The following TIAM2 variants were observed in gnomAD, a reference collection of about 807,000 sequenced individuals.
TIAM2 encodes the protein rho guanine nucleotide exchange factor TIAM2.
A neutral mutation model predicts 152.9 loss-of-function variants in TIAM2; 80 were observed. That is an observed-to-expected ratio of 0.52 (90% CI 0.44 to 0.63). TIAM2 has a LOEUF of 0.63. Ranked by LOEUF, TIAM2 falls within the 30% of genes least tolerant of loss-of-function variation. The pLI is 0.00. For synonymous variants in TIAM2, 804 were observed against 838.0 expected (o/e 0.96, Z 0.70); for missense variants, 1,965 against 2,120.1 (o/e 0.93, Z 1.44).
chr6:155,095,227 G>A (rs1462557188), intron 2 of TIAM2, among the ~76,000 whole-genome samples: 1 of 152,158 alleles, frequency 6.6e-6, no homozygotes, highest in Non-Finnish European at 1.5e-5. Context: ...TGATATAACC[G>A]AGGGAGTGGG....
At chr6:155,254,731 A>C in intron 26 of TIAM2, 158 bp downstream of exon 26, 1 of 929,468 alleles carries the variant, frequency 1.1e-6, no homozygotes, top group African/African-American at 1.7e-5. Flanking sequence ...TTGCTCCCAG[A>C]CGTTCTACTG....
rs1322520341 is a variant in TIAM2, at chr6:155,112,534, G to A, written c.-117-14956G>A. Among the ~76,000 whole-genome samples, 2 of 151,938 alleles carry A rather than the reference G, an allele frequency of 1.3e-5. 1 individual carries two copies. The highest frequency in any genetic ancestry group is 4.2e-4 in the South Asian group (2 of 4,818). On this transcript the variant is annotated intron_variant, in intron 2 of 26. Coordinates refer to ENST00000682666, the MANE Select transcript of TIAM2 (RefSeq NM_012454.4). ...TGTCAAGGTGCCCCAGGGCCTCCTT[G>A]GACCCCATGTCTTTCCTTTGTTTAC...
At chr6:155,236,380 C>T (rs1402528739) in intron 15 of TIAM2, among the ~76,000 whole-genome samples, 1 of 152,060 alleles carries the variant, frequency 6.6e-6, no homozygotes, top group East Asian at 1.9e-4. Context: ...ACACCCATGA[C>T]AGCCAGGCAT....
intron 2 of TIAM2, among the ~76,000 whole-genome samples, chr6:155,100,298 T>C (rs1319689755): frequency 6.6e-6 from 1 of 152,218 alleles, no homozygotes; most frequent in East Asian, 1.9e-4. Context: ...GGTGGCCAGC[T>C]GCCAGCACGG....
chr6:155,250,458 G>T, intron 21 of TIAM2: 1 of 1,195,520 alleles, frequency 8.4e-7, no homozygotes, highest in Middle Eastern at 2.2e-4. Context: ...ATAGTTTAGG[G>T]AGAAAATGGC....
At chr6:155,062,615 G>A (rs1325960602) in intron 1 of TIAM2, among the ~76,000 whole-genome samples, 2 of 124,680 alleles carry the variant, frequency 1.6e-5, no homozygotes, top group African/African-American at 6.1e-5. Context: ...TCTTGCTCTT[G>A]TTGCCCAGGC....
At chr6:155,217,766 T>C (rs748252243) in intron 15 of TIAM2, among the ~76,000 whole-genome samples, 5 of 152,256 alleles carry the variant, frequency 3.3e-5, no homozygotes, top group Non-Finnish European at 7.3e-5. Flanking sequence ...CAACTGTGTG[T>C]TGTGCTCTTT....
At chr6:155,189,133 G>C (rs1583238915) in intron 14 of TIAM2, among the ~76,000 whole-genome samples, 1 of 152,220 alleles carries the variant, frequency 6.6e-6, no homozygotes, top group South Asian at 2.1e-4. Flanking sequence ...CCAGGGAAAA[G>C]CATTATAGAG....
intron 1 of TIAM2, among the ~76,000 whole-genome samples, chr6:155,082,607 A>T (rs547796644): frequency 6.6e-6 from 1 of 151,332 alleles, no homozygotes; most frequent in East Asian, 2.0e-4. Flanking sequence ...CCAAGATTGT[A>T]CCATTGCACT....
chr6:155,099,891 C>T (rs1354169642), intron 2 of TIAM2, among the ~76,000 whole-genome samples: 1 of 152,216 alleles, frequency 6.6e-6, no homozygotes, highest in African/African-American at 2.4e-5. Flanking sequence ...GCCTATGCTC[C>T]TAGGCTGCAA....
chr6:155,128,088 G>C (rs922548802), intron 3 of TIAM2, among the ~76,000 whole-genome samples: 7 of 152,030 alleles, frequency 4.6e-5, no homozygotes, highest in Non-Finnish European at 1.0e-4. Flanking sequence ...CTTTGAGTTT[G>C]GCTTAACTAA....
At chr6:155,026,410 A>T (rs2114873902) in intron 1 of TIAM2, among the ~76,000 whole-genome samples, 1 of 152,140 alleles carries the variant, frequency 6.6e-6, no homozygotes, top group African/African-American at 2.4e-5. Context: ...GAGTTTCTCA[A>T]TTTTTTTTCC....
At chr6:155,210,259 T>C (rs1028333662) in intron 14 of TIAM2, among the ~76,000 whole-genome samples, 1 of 152,072 alleles carries the variant, frequency 6.6e-6, no homozygotes, top group African/African-American at 2.4e-5. Context: ...AATTTTAAAT[T>C]TTCATTTTTA....
intron 2 of TIAM2, among the ~76,000 whole-genome samples, chr6:155,102,979 T>C (rs575045481): frequency 8.5e-5 from 13 of 152,336 alleles, no homozygotes; most frequent in African/African-American, 2.9e-4. Context: ...TCCTTCAAAA[T>C]AGAATACTTC....
chr6:155,163,986 G>T (rs1238431059), intron 7 of TIAM2, among the ~76,000 whole-genome samples: 1 of 149,900 alleles, frequency 6.7e-6, no homozygotes, highest in Non-Finnish European at 1.5e-5. Flanking sequence ...TTGAGACGGA[G>T]TCTTGCTTGG....
intron 2 of TIAM2, among the ~76,000 whole-genome samples, chr6:155,120,485 G>T (rs1163953890): frequency 1.3e-5 from 2 of 152,150 alleles, no homozygotes; most frequent in Non-Finnish European, 2.9e-5. Context: ...TCAAGTCTTG[G>T]TATTCAATTC....
chr6:155,093,768 G>A (rs2114983531), intron 2 of TIAM2, among the ~76,000 whole-genome samples: 1 of 152,314 alleles, frequency 6.6e-6, no homozygotes, highest in South Asian at 2.1e-4. Flanking sequence ...GGCCTCTGCG[G>A]CCCTTTTCAA....
intron 1 of TIAM2, among the ~76,000 whole-genome samples, chr6:155,076,686 CCTTTT>C (rs1442848213): frequency 1.3e-5 from 2 of 152,216 alleles, no homozygotes; most frequent in East Asian, 1.9e-4. Flanking sequence ...AAATTCACAT[CCTTTT>C]CTTTTCTTTT....
intron 9 of TIAM2, among the ~76,000 whole-genome samples, chr6:155,169,104 T>C (rs1400462296): frequency 6.6e-6 from 1 of 152,136 alleles, no homozygotes; most frequent in Non-Finnish European, 1.5e-5. Context: ...CATGCCATTC[T>C]CCTGCCTCAG....
Sources: gnomAD v4.1 joint callset for allele counts (sites outside exome capture counted in the v4.1 genomes callset) on GRCh38, gnomAD v4.1.1 for gene constraint, MANE v1.5 for transcripts, NCBI Gene and HGNC (gene_info 2026-07-23, HGNC 2026-07-21) for gene names.